DENND3: variants seen among roughly 807,000 people sequenced by gnomAD.
DENND3 encodes DENN domain-containing protein 3.
DENND3 carries 88 observed loss-of-function variants against 135.1 expected under a neutral mutation model. That is an observed-to-expected ratio of 0.65 (90% CI 0.55 to 0.78). The LOEUF is 0.78. Ranked by LOEUF, DENND3 falls within the 30% of genes least tolerant of loss-of-function variation. DENND3 has a pLI of 0.00. For synonymous variants in DENND3, 693 were observed against 712.3 expected (o/e 0.97, Z 0.43); for missense variants, 1,392 against 1,688.4 (o/e 0.82, Z 3.08).
chr8:141,160,119 G>A (rs568367716), intron 8 of DENND3, among the ~76,000 whole-genome samples: 43 of 152,270 alleles, frequency 2.8e-4, no homozygotes, highest in Middle Eastern at 3.4e-3. Flanking sequence ...TCCAAGTCGA[G>A]GCCCATGTGA....
At position 141,138,810 on chromosome 8, in the gene DENND3, G is replaced by T. The variant is rs1817102647; in HGVS notation, c.501+673G>T. On this transcript the variant is annotated intron_variant, in intron 3 of 22. Transcript: ENST00000519811. This position sits in a 1 kb window ranked among gnomAD's most constrained non-coding sequence, Gnocchi z 4.8. ...CATGTTTTGATGTTCATGTGCATGG[G>T]CGCGTGTGCCAGTGCCCCGTGGCCT... 2.0e-5 allele frequency among the ~76,000 whole-genome samples: 3 copies of T among 152,208 alleles called. No individual in the cohort carries two copies. Among genetic ancestry groups the T allele is most frequent in the African/African-American group, 7.2e-5 (3 of 41,446 alleles).
At chr8:141,131,035 G>A (rs1589514020) in intron 1 of DENND3, among the ~76,000 whole-genome samples, 1 of 152,104 alleles carries the variant, frequency 6.6e-6, no homozygotes, top group East Asian at 1.9e-4. Flanking sequence ...TTTCTCTGTG[G>A]CCCAGGCATT....
chr8:141,192,306 C>T, intron 20 of DENND3, 25 bp from the exon 21 acceptor site: 1 of 1,612,800 alleles, frequency 6.2e-7, no homozygotes, highest in Non-Finnish European at 8.5e-7. Flanking sequence ...CTGCCTGGCC[C>T]CATCCTAGCT....
At chr8:141,151,921 C>A in intron 7 of DENND3, 84 bp downstream of exon 7, 1 of 1,527,772 alleles carries the variant, frequency 6.5e-7, no homozygotes, top group Non-Finnish European at 9.0e-7. Context: ...TCTGAAAGTG[C>A]TCCGCGGTGA....
At position 141,182,393 on chromosome 8, in the gene DENND3, G is replaced by T; in HGVS notation, c.2944+1539G>T. The T allele has an allele frequency of 5.1e-6, 5 of 985,460 alleles. No individual in the cohort carries two copies. Among genetic ancestry groups the T allele is most frequent in the Non-Finnish European group, 6.0e-6 (5 of 829,942 alleles). The allele number at this position is 985,460 out of a possible 1,614,324, so 61.0% of individuals were successfully genotyped here. A position where few individuals can be genotyped will look rare whatever the true frequency, so the allele number is the denominator to read the frequency against. ...GCGTCATCAGGGCCGCCCCGCGTGA[G>T]CCCTACCTGATGTGTCTAAGCCAGG... On this transcript the variant is annotated intron_variant, in intron 17 of 22. Transcript: ENST00000519811. This position sits in a 1 kb window ranked among gnomAD's most constrained non-coding sequence, Gnocchi z 5.9.
rs1820632336 is a variant in DENND3, at chr8:141,165,263, C to T, written c.1527C>T (p.Asp509=). ...NRRMDAFAQM[D]LDTQSEEDRI... is the part of the protein sequence containing the mutation. ...GGATGGACGCCTTTGCTCAGATGGACCTCGACACCCAGTCGGAGGAGGACA... is the reference window on the plus strand; with the variant it reads ...GGATGGACGCCTTTGCTCAGATGGATCTCGACACCCAGTCGGAGGAGGACA... Residue 509 remains aspartate, a synonymous_variant, in exon 11 of 23, where the codon GAC becomes GAT. Transcript: ENST00000519811. 6.2e-7 allele frequency: 1 copy of T among 1,614,032 alleles called. No individual in the cohort carries two copies. The highest frequency in any genetic ancestry group is 8.5e-7 in the Non-Finnish European group (1 of 1,179,990).
chr8:141,164,304 T>C (rs968645962), intron 10 of DENND3, among the ~76,000 whole-genome samples: 1 of 152,230 alleles, frequency 6.6e-6, no homozygotes, highest in African/African-American at 2.4e-5. Context: ...TGGGGTTGTT[T>C]CCATTTGTGA....
intron 15 of DENND3, chr8:141,177,849 A>G (rs913330827): frequency 7.4e-6 from 4 of 539,534 alleles, no homozygotes; most frequent in African/African-American, 5.8e-5. Context: ...CCCCTTCTAG[A>G]AAACACTGGC....
chr8:141,175,146 G>C lies in DENND3; in HGVS notation c.2276-54G>C. On this transcript the variant is annotated intron_variant, in intron 13 of 22. Transcript: ENST00000519811. This position sits in a 1 kb window ranked among gnomAD's most constrained non-coding sequence, Gnocchi z 5.4. ...TTCAGGTCATGGAGAAGCCCTTGGGGCTCCCGAGGTATGTGGCTGTAAGAT... is the reference window on the plus strand; with the variant it reads ...TTCAGGTCATGGAGAAGCCCTTGGGCCTCCCGAGGTATGTGGCTGTAAGAT... The C allele has an allele frequency of 6.4e-7, 1 of 1,554,866 alleles. No individual in the cohort carries two copies.
rs1176745593 is a variant in DENND3 at position 141,194,131 on chromosome 8, G to A, written c.3735G>A (p.Ala1245=). The change falls in exon 23 of 23, where the codon GCG becomes GCA. Residue 1245 remains alanine (A), a synonymous_variant. Transcript: ENST00000519811. ...ERKTVEKELV[A]HMDTVRTLCS... is the part of the protein sequence containing the mutation. ...AGACCGTGGAGAAGGAGCTGGTGGC[G>A]CACATGGACACCGTGAGGACGCTGT... 1 of 1,613,936 alleles carries A rather than the reference G, an allele frequency of 6.2e-7. No individual in the cohort carries two copies. The highest frequency in any genetic ancestry group is 8.5e-7 in the Non-Finnish European group (1 of 1,180,008).
chr8:141,192,632 A>G lies in DENND3; in HGVS notation c.3605A>G (p.Glu1202Gly), dbSNP rs535766870. 6.8e-5 allele frequency: 109 copies of G among 1,605,436 alleles called. No homozygotes were observed. In the South Asian group the frequency reaches 1.1e-3, roughly 17 times the overall value. ...AGGGTGCCCCTCGAGGACTGCTCTG[A>G]GATCAACTGCATGATCCGGGTGAAG... is the stretch of plus-strand genomic sequence containing the variant. ...PQRVPLEDCS[E>G]INCMIRVKKQ... Residue 1202 changes from glutamate (E) to glycine (G), a missense_variant, in exon 22 of 23, where the codon GAG becomes GGG. Glu to Gly is a moderately conservative substitution (Grantham distance 98, BLOSUM62 -2). Coordinates refer to ENST00000519811, the MANE Select transcript of DENND3 (RefSeq NM_001352890.3).
At chr8:141,160,151 C>T (rs575085258) in intron 8 of DENND3, among the ~76,000 whole-genome samples, 1 of 151,898 alleles carries the variant, frequency 6.6e-6, no homozygotes, top group African/African-American at 2.4e-5. Context: ...GAGGTGAATC[C>T]ACTCTTCCAG....
intron 17 of DENND3, chr8:141,184,813 G>T (rs1589706144): frequency 4.6e-6 from 1 of 218,534 alleles, no homozygotes; most frequent in East Asian, 1.0e-4. Context: ...TCCTCTTCCA[G>T]TTCCCTCTGC....
At chr8:141,178,331 A>C in intron 16 of DENND3, 135 bp downstream of exon 16, 1 of 1,303,376 alleles carries the variant, frequency 7.7e-7, no homozygotes, top group Non-Finnish European at 1.0e-6. Context: ...TTTGTAATTT[A>C]CTCTCGAGTC....
rs576892053 is a variant in DENND3, at chr8:141,157,884, G to A, written c.1196+1914G>A. On this transcript the variant is annotated intron_variant, in intron 8 of 22. Coordinates refer to ENST00000519811, the MANE Select transcript of DENND3 (RefSeq NM_001352890.3). The stretch of plus-strand genomic sequence containing the variant: ...AAGCGATTCTCCTGCCTCAGCCTCC[G>A]GAGTAGCCGGGATTACAGGCATCTG... 37 of 853,710 alleles carry A rather than the reference G, an allele frequency of 4.3e-5. No individual in the cohort carries two copies. In the East Asian group the frequency reaches 4.7e-4, roughly 11 times the overall value. 52.9% of individuals were successfully genotyped at this position (853,710 alleles called of 1,614,324 possible). A position where few individuals can be genotyped will look rare whatever the true frequency, so the allele number is the denominator to read the frequency against.
rs1316347807 is a variant in DENND3, at chr8:141,144,199, A to G, written c.675A>G (p.Ile225Met). 6.2e-7 allele frequency: 1 copy of G among 1,614,064 alleles called. No homozygotes were observed. Among genetic ancestry groups the G allele is most frequent in the Non-Finnish European group, 8.5e-7 (1 of 1,180,004 alleles). ...AAGATTTTGAAGTGGACAGTCATAT[A>G]AAAGATTTCGCTGCGAAGCTGTCTT... ...PCKDFEVDSH[I>M]KDFAAKLSLI... The change falls in exon 5 of 23, where the codon ATA becomes ATG. Residue 225 changes from isoleucine (I) to methionine (M), a missense_variant. By Grantham distance (10) the Ile-to-Met change is conservative. Coordinates refer to ENST00000519811, the MANE Select transcript of DENND3 (RefSeq NM_001352890.3). The surrounding 1 kb of genome is among the most constrained non-coding windows in gnomAD (Gnocchi z 4.4).
rs544152821 is a variant in DENND3 at position 141,168,029 on chromosome 8, G to A, written c.1779G>A (p.Pro593=). ...SAVLNVTPKS[P]YTFKIPEIHF... Reference sequence around the variant, plus strand: ...TTCTGAATGTCACGCCGAAGTCCCCGTATACATTCAAGATTCCCGAAATCC... The same window carrying A: ...TTCTGAATGTCACGCCGAAGTCCCCATATACATTCAAGATTCCCGAAATCC... Residue 593 remains proline, a synonymous_variant, in exon 13 of 23, where the codon CCG becomes CCA. Coordinates refer to ENST00000519811, the MANE Select transcript of DENND3 (RefSeq NM_001352890.3). The surrounding 1 kb of genome is among the most constrained non-coding windows in gnomAD (Gnocchi z 6.2). 6.4e-5 allele frequency: 104 copies of A among 1,613,116 alleles called. No homozygotes were observed. The East Asian group carries it at 6.9e-4, about 11-fold the overall frequency.
intron 7 of DENND3, among the ~76,000 whole-genome samples, 181 bp downstream of exon 7, chr8:141,152,018 G>A (rs947001778): frequency 1.3e-5 from 2 of 152,242 alleles, no homozygotes; most frequent in African/African-American, 2.4e-5. Context: ...TGATGAAGCC[G>A]GGACCCCTTA....
intron 1 of DENND3, among the ~76,000 whole-genome samples, chr8:141,132,929 T>C (rs1337888828): frequency 6.6e-6 from 1 of 152,190 alleles, no homozygotes; most frequent in Admixed American, 6.5e-5. Flanking sequence ...CGATATCGCC[T>C]CAGTCATCTT....
Sources: gnomAD v4.1 joint callset for allele counts (sites outside exome capture counted in the v4.1 genomes callset) on GRCh38, gnomAD v4.1.1 for gene constraint, Gnocchi (gnomAD v3.1) non-coding constraint, MANE v1.5 for transcripts, NCBI Gene and HGNC (gene_info 2026-07-23, HGNC 2026-07-21) for gene names.